The following PCTP variants were observed in gnomAD, a reference collection of about 807,000 sequenced individuals.
PCTP encodes the protein phosphatidylcholine transfer protein.
Under a neutral mutation model 31.0 loss-of-function variants are expected in PCTP, and 27 were observed. That is an observed-to-expected ratio of 0.87 (90% CI 0.64 to 1.20). The LOEUF (loss-of-function observed/expected upper bound fraction) is 1.20, where lower values mean the gene tolerates loss of function less well. Among genes scored for constraint, PCTP ranks in the 50% most tolerant of loss-of-function variants. PCTP has a pLI of 0.00. For synonymous variants in PCTP, 108 were observed against 101.2 expected (o/e 1.07, Z -0.40); for missense variants, 287 against 268.2 (o/e 1.07, Z -0.49).
At chr17:55,839,943 A>C (rs1183230544) in intron 5 of PCTP, among the ~76,000 whole-genome samples, 4 of 150,648 alleles carry the variant, frequency 2.7e-5, no homozygotes, top group African/African-American at 2.4e-5. Context: ...AAAAAAAAAA[A>C]AAAACAACTG....
chr17:55,820,925 A>T (rs910163528), intron 3 of PCTP, among the ~76,000 whole-genome samples: 5 of 152,350 alleles, frequency 3.3e-5, no homozygotes, highest in Non-Finnish European at 7.4e-5. Flanking sequence ...ATACACTGCT[A>T]AAAGGAATGT....
chr17:55,848,826 T>G, the PCTP span, among the ~76,000 whole-genome samples: 1 of 152,190 alleles, frequency 6.6e-6, no homozygotes, highest in Non-Finnish European at 1.5e-5. Flanking sequence ...GTATTTGACT[T>G]TCTAATGCTG....
At chr17:55,796,549 C>G (rs112452472) in intron 3 of PCTP, among the ~76,000 whole-genome samples, 42 of 152,100 alleles carry the variant, frequency 2.8e-4, no homozygotes, top group African/African-American at 1.0e-3. Context: ...CGTCAGCAGA[C>G]ATAGCTAAGC....
chr17:55,780,323 G>A (rs976909870), downstream of PCTP, among the ~76,000 whole-genome samples: 5 of 152,244 alleles, frequency 3.3e-5, no homozygotes, highest in Middle Eastern at 3.4e-3. Flanking sequence ...AGTACACTAT[G>A]TAAACTTTCT....
intron 3 of PCTP, among the ~76,000 whole-genome samples, chr17:55,802,272 A>C (rs1278845324): frequency 6.6e-6 from 1 of 152,238 alleles, no homozygotes; most frequent in Non-Finnish European, 1.5e-5. Context: ...TTAACAGCCA[A>C]ATCCTACCAG....
exon 4 of PCTP, chr17:55,823,060 G>T: frequency 3.3e-6 from 1 of 301,982 alleles, no homozygotes; most frequent in Admixed American, 5.1e-5. Flanking sequence ...TGGAAAGATA[G>T]CAGTGAATAA....
At chr17:55,751,505 A>T in intron 1 of PCTP, 1 of 1,511,420 alleles carries the variant, frequency 6.6e-7, no homozygotes, top group Non-Finnish European at 8.8e-7. Context: ...ATGTAGTTAG[A>T]AGTTAATGAC....
chr17:55,755,644 G>A (rs1204494451), intron 1 of PCTP, among the ~76,000 whole-genome samples: 2 of 151,930 alleles, frequency 1.3e-5, no homozygotes, highest in African/African-American at 2.4e-5. Flanking sequence ...ATTCTGGACT[G>A]GAAAGTTTCT....
In PCTP at chr17:55,751,051, C is replaced by T; in HGVS notation, c.-53C>T. The T allele has an allele frequency of 6.8e-7, 1 of 1,475,148 alleles. No homozygotes were observed. The allele number at this position is 1,475,148 out of a possible 1,614,324, so 91.4% of individuals were successfully genotyped here. ...CGGTCACCCCGCCCCCAGGCCCACA[C>T]TAAGGGTGTCCGCGGCCTGCCCTCC... On this transcript the variant is annotated 5_prime_UTR_variant, in exon 1 of 6. Transcript: ENST00000268896.
chr17:55,772,880 C>T (rs971100183), intron 3 of PCTP, among the ~76,000 whole-genome samples: 1 of 152,160 alleles, frequency 6.6e-6, no homozygotes, highest in Non-Finnish European at 1.5e-5. Flanking sequence ...CTGAGCCTCA[C>T]TTTTGTCATC....
intron 5 of PCTP, among the ~76,000 whole-genome samples, chr17:55,836,904 G>T (rs575897236): frequency 6.6e-6 from 1 of 152,280 alleles, no homozygotes; most frequent in South Asian, 2.1e-4. Flanking sequence ...AGAGTGCTGG[G>T]GGAATGTACA....
chr17:55,828,548 G>T (rs112125815), intron 5 of PCTP, among the ~76,000 whole-genome samples: 10 of 152,118 alleles, frequency 6.6e-5, no homozygotes, highest in Non-Finnish European at 1.3e-4. Flanking sequence ...ATTGGATTAG[G>T]ACCCACTCTA....
chr17:55,839,299 G>A lies in PCTP; in HGVS notation n.506-3428G>A, dbSNP rs538656895. 5.0e-4 allele frequency among the ~76,000 whole-genome samples: 76 copies of A among 152,264 alleles called. 1 individual carries two copies. The highest frequency in any genetic ancestry group is 2.2e-3 in the Admixed American group (33 of 15,300). Reference sequence around the variant, plus strand: ...CTGCAGTGAGCACTCAGTAATAAGAGCTATTTATTGGGCCAGGATTCCAAC... The same window carrying A: ...CTGCAGTGAGCACTCAGTAATAAGAACTATTTATTGGGCCAGGATTCCAAC... On this transcript the variant is annotated intron_variant and non_coding_transcript_variant, in intron 5 of 5. Transcript: ENST00000576221.
At chr17:55,800,620 G>T (rs190101828) in intron 3 of PCTP, among the ~76,000 whole-genome samples, 11 of 152,102 alleles carry the variant, frequency 7.2e-5, no homozygotes. Context: ...TTCCCTTGCT[G>T]GTGAGGAGTT....
intron 2 of PCTP, among the ~76,000 whole-genome samples, chr17:55,782,700 A>AT (rs1414575070): frequency 6.6e-6 from 1 of 152,070 alleles, no homozygotes; most frequent in Non-Finnish European, 1.5e-5. Context: ...TACATCAGTC[A>AT]TTGTACCAGT....
At chr17:55,764,883 AAATTAATCT>A (rs1161610314) in intron 1 of PCTP, among the ~76,000 whole-genome samples, 1 of 152,210 alleles carries the variant, frequency 6.6e-6, no homozygotes, top group East Asian at 1.9e-4. Context: ...CTTTGTGTTG[AAATTAATCT>A]AATAGCCATT....
At chr17:55,781,603 A>G (rs1405572909), downstream of PCTP, among the ~76,000 whole-genome samples, 1 of 152,192 alleles carries the variant, frequency 6.6e-6, no homozygotes, top group East Asian at 1.9e-4. Context: ...ACCACTAACT[A>G]AAAACAAATA....
chr17:55,774,742 T>G, intron 4 of PCTP, 50 bp from the exon 5 acceptor site: 1 of 1,421,284 alleles, frequency 7.0e-7, no homozygotes, highest in Non-Finnish European at 9.9e-7. Flanking sequence ...GTTGCTATAT[T>G]TTTCTGGTAT....
chr17:55,830,420 G>A (rs1025645019), intron 5 of PCTP, among the ~76,000 whole-genome samples: 2 of 152,022 alleles, frequency 1.3e-5, no homozygotes, highest in Non-Finnish European at 2.9e-5. Flanking sequence ...GCTAGTCAGC[G>A]ATTTTTTTTT....
Sources: gnomAD v4.1 joint callset for allele counts (sites outside exome capture counted in the v4.1 genomes callset) on GRCh38, gnomAD v4.1.1 for gene constraint, MANE v1.5 for transcripts, NCBI Gene and HGNC (gene_info 2026-07-23, HGNC 2026-07-21) for gene names.